COA6: variants seen among roughly 807,000 people sequenced by gnomAD.
The protein encoded by COA6 is cytochrome c oxidase assembly factor 6, also known as cytochrome c oxidase assembly factor 6 homolog.
In COA6, 12 loss-of-function variants were observed where a neutral mutation model predicts 17.1. The observed-to-expected ratio is 0.70, with a 90% CI of 0.45 to 1.14. The LOEUF (loss-of-function observed/expected upper bound fraction) is 1.14. Among genes scored for constraint, COA6 ranks in the 50% most tolerant of loss-of-function variants. The pLI, the probability that COA6 is intolerant of heterozygous loss-of-function variation, is 0.00. For synonymous variants in COA6, 90 were observed against 73.4 expected (o/e 1.23, Z -1.16); for missense variants, 246 against 196.5 (o/e 1.25, Z -1.51).
chr1:234,380,389 T>A (rs1658938660), intron 2 of COA6, among the ~76,000 whole-genome samples: 1 of 152,232 alleles, frequency 6.6e-6, no homozygotes, highest in African/African-American at 2.4e-5. Context: ...ATCTGCTTTA[T>A]ACAATAGGAA....
chr1:234,374,499 C>A, intron 2 of COA6, 110 bp downstream of exon 2: 2 of 1,129,150 alleles, frequency 1.8e-6, no homozygotes, highest in Non-Finnish European at 1.3e-6. Context: ...TTAACAGTTT[C>A]TTTGAGGCGC....
At chr1:234,373,778 G>A in intron 1 of COA6, 100 bp downstream of exon 1, 10 of 1,613,792 alleles carry the variant, frequency 6.2e-6, no homozygotes, top group Non-Finnish European at 8.5e-6. Flanking sequence ...GCAAAACGGG[G>A]TGGCACTCCA....
chr1:234,383,036 A>G (rs867380336), intron 2 of COA6, among the ~76,000 whole-genome samples: 15 of 49,384 alleles, frequency 3.0e-4, no homozygotes, highest in African/African-American at 7.0e-4. Context: ...AGAGAGAAGG[A>G]AGGGAGGGAG....
chr1:234,373,607 C>T lies in COA6; in HGVS notation c.141C>T (p.Arg47=). Residue 47 remains arginine, a synonymous_variant, in exon 1 of 3, where the codon CGC becomes CGT. Coordinates refer to ENST00000366615, the MANE Select transcript of COA6 (RefSeq NM_001206641.3). ...GGACTCGGCACCGCGCCCTCCACCG[C>T]CGGTTGGTGGCCTGCGTGACAGTTT... ...SGRTRHRALH[R]RLVACVTVSS... The T allele has an allele frequency of 1.2e-6, 2 of 1,612,814 alleles. No homozygotes were observed. Among genetic ancestry groups the T allele is most frequent in the South Asian group, 1.1e-5 (1 of 91,024 alleles).
rs1286407253 is a variant in COA6, at chr1:234,384,001, G to GA, written c.*186dup. The GA allele has an allele frequency of 2.3e-6, 1 of 440,784 alleles. No homozygotes were observed. 27.3% of individuals were successfully genotyped at this position (440,784 alleles called of 1,614,324 possible). A position where few individuals can be genotyped will look rare whatever the true frequency, so the allele number is the denominator to read the frequency against. ...AATGAAATAAAATGGTATTTAGTAAGAAATCTCTATTTTAAGAAAAAAAGT... is the reference window on the plus strand; with the variant it reads ...AATGAAATAAAATGGTATTTAGTAAGAAAATCTCTATTTTAAGAAAAAAAGT... On this transcript the variant is annotated 3_prime_UTR_variant, in exon 3 of 3. Transcript: ENST00000366615.
At chr1:234,376,825 T>A (rs555523307) in intron 2 of COA6, among the ~76,000 whole-genome samples, 17 of 152,282 alleles carry the variant, frequency 1.1e-4, no homozygotes, top group Admixed American at 2.0e-4. Context: ...TCATTAGAGC[T>A]CCCTTCTCTG....
chr1:234,380,870 C>T (rs1029203590), intron 2 of COA6, among the ~76,000 whole-genome samples: 18 of 152,278 alleles, frequency 1.2e-4, no homozygotes, highest in Middle Eastern at 3.4e-3. Flanking sequence ...CGCGGTGGCA[C>T]GCGCCTGTAG....
rs189757293 is a variant in COA6 at position 234,384,178 on chromosome 1, A to C, written c.*360A>C. 204 of 159,030 alleles carry C rather than the reference A, an allele frequency of 1.3e-3. No homozygotes were observed. The highest frequency in any genetic ancestry group is 3.6e-3 in the Admixed American group (56 of 15,632). The allele number at this position is 159,030 out of a possible 1,614,324, so 9.9% of individuals were successfully genotyped here. On this transcript the variant is annotated 3_prime_UTR_variant, in exon 3 of 3. Transcript: ENST00000366615. ...TAATACAGGCAAGAGCTATTACAAC[A>C]ACCCAAGTGAGAAATGATGAGGGTT...
chr1:234,383,351 A>G (rs1412810177), intron 2 of COA6, among the ~76,000 whole-genome samples: 1 of 127,762 alleles, frequency 7.8e-6, no homozygotes, highest in African/African-American at 2.9e-5. Context: ...AACACATCAC[A>G]GGAAAGGGAA....
rs1185711554 is a variant in COA6, at chr1:234,384,978, TGTC to T, written c.*1161_*1163del. The stretch of plus-strand genomic sequence containing the variant: ...CACATAGAAGTTATGTTTATACTGT[TGTC>T]TAGTAAGTGTGCAATAGCATTATGT... On this transcript the variant is annotated 3_prime_UTR_variant, in exon 3 of 3. Transcript: ENST00000366615. 3.9e-5 allele frequency among the ~76,000 whole-genome samples: 6 copies of T among 152,348 alleles called. No individual in the cohort carries two copies. The highest frequency in any genetic ancestry group is 1.2e-4 in the African/African-American group (5 of 41,582).
At chr1:234,373,886 A>C in intron 1 of COA6, 1 of 1,591,418 alleles carries the variant, frequency 6.3e-7, no homozygotes, top group Non-Finnish European at 8.6e-7. Flanking sequence ...TCCCCGCTTT[A>C]CTGGTGGGAA....
chr1:234,375,041 G>A (rs539459078), intron 2 of COA6, among the ~76,000 whole-genome samples: 6 of 151,624 alleles, frequency 4.0e-5, no homozygotes, highest in African/African-American at 1.5e-4. Flanking sequence ...TGTAATCCCA[G>A]CACTTTGGGA....
intron 1 of COA6, 134 bp downstream of exon 1, chr1:234,373,812 C>T: frequency 3.1e-6 from 5 of 1,613,646 alleles, no homozygotes; most frequent in Non-Finnish European, 4.2e-6. Flanking sequence ...TGATTGTGGC[C>T]CCCACACACC....
chr1:234,378,180 GA>G (rs568726469), intron 2 of COA6, among the ~76,000 whole-genome samples: 6 of 151,964 alleles, frequency 3.9e-5, no homozygotes, highest in African/African-American at 7.3e-5. Flanking sequence ...GAATGATAGA[GA>G]AAAAAAATCA....
At chr1:234,377,133 T>TTTTTTTTTTTGTTG (rs60899682) in intron 2 of COA6, among the ~76,000 whole-genome samples, 3 of 69,572 alleles carry the variant, frequency 4.3e-5, no homozygotes, top group African/African-American at 2.7e-4. Context: ...TTTTGTTTTT[T>TTTTTTTTTTTGTTG]TTGTTGTTGT....
Position 234,383,859 on chromosome 1 carries a change from A to G in COA6, c.*41A>G. The stretch of plus-strand genomic sequence containing the variant: ...TGAAAGTATTCTTTCTGGACATTGA[A>G]AAAGCTCCACTGACTATGGAACAGT... On this transcript the variant is annotated 3_prime_UTR_variant, in exon 3 of 3. Transcript: ENST00000366615. 9.8e-7 allele frequency: 1 copy of G among 1,019,948 alleles called. No homozygotes were observed. Among genetic ancestry groups the G allele is most frequent in the South Asian group, 1.4e-5 (1 of 71,914 alleles). The allele number at this position is 1,019,948 out of a possible 1,614,324, so 63.2% of individuals were successfully genotyped here.
At chr1:234,379,004 ATTTT>A (rs377669777) in intron 2 of COA6, among the ~76,000 whole-genome samples, 61 of 136,436 alleles carry the variant, frequency 4.5e-4, no homozygotes, top group East Asian at 2.3e-3. Flanking sequence ...TACTTTTTTA[ATTTT>A]TTTTTTTTTT....
Position 234,374,219 on chromosome 1 carries a change from T to G in COA6, c.213-11T>G. 6.2e-7 allele frequency: 1 copy of G among 1,603,100 alleles called. No homozygotes were observed. Among genetic ancestry groups the G allele is most frequent in the South Asian group, 1.1e-5 (1 of 89,948 alleles). ...TTCATTGTTAATCTCAAATATTATT[T>G]TGGCCAACAGCTTCATCGCAGTAGG... is the stretch of plus-strand genomic sequence containing the variant. On this transcript the variant is annotated splice_polypyrimidine_tract_variant and intron_variant, in intron 1 of 2. Transcript: ENST00000366615.
chr1:234,377,205 C>T (rs1189049839), intron 2 of COA6, among the ~76,000 whole-genome samples: 2 of 149,544 alleles, frequency 1.3e-5, no homozygotes, highest in African/African-American at 5.0e-5. Flanking sequence ...CAGCTCACTG[C>T]AACCTCTGCT....
Sources: allele counts gnomAD v4.1 joint callset (sites outside exome capture counted in the v4.1 genomes callset), GRCh38; gene constraint gnomAD v4.1.1; transcripts MANE v1.5; gene names NCBI Gene and HGNC (gene_info 2026-07-23, HGNC 2026-07-21).